Variants in ADCY9 observed in about 807,000 individuals in gnomAD.
ADCY9 encodes adenylate cyclase type 9.
Under a neutral mutation model 101.5 loss-of-function variants are expected in ADCY9, and 50 were observed. The observed-to-expected ratio is 0.49, with a 90% confidence interval of 0.39 to 0.62. ADCY9 has a LOEUF of 0.62. Ranked by LOEUF, ADCY9 falls within the 20% of genes least tolerant of loss-of-function variation. The pLI is 0.00. For missense variants in ADCY9, 1,662 were observed against 1,800.4 expected, an observed-to-expected ratio of 0.92 and a Z score of 1.39; for synonymous variants, 905 against 769.3, an observed-to-expected ratio of 1.18 and a Z score of -2.92.
At position 3,993,447 on chromosome 16, in the gene ADCY9, G is replaced by A. The variant is rs769302200; in HGVS notation, c.1948C>T (p.Pro650Ser). 8 of 1,614,084 alleles carry A rather than the reference G, an allele frequency of 5.0e-6. No homozygotes were observed. The Admixed American group carries it at 5.0e-5, about 10-fold the overall frequency. Residue 650 changes from proline (P) to serine (S), a missense_variant, in exon 4 of 11, where the codon CCT (proline) becomes TCT (serine). By Grantham distance (74) the Pro-to-Ser change is moderately conservative. This residue lies in a region of ADCY9 where 624 missense variants were observed against 639.1 expected (regional missense o/e 0.98). Transcript: ENST00000294016. ...KSEAGAEGGA[P>S]QNGCQDEHKN... is the part of the protein sequence containing the mutation. ...TGCTCGTCTTGGCAGCCGTTTTGAG[G>A]TGCTCCTCCCTCGGCGCCGGCTTCA...
chr16:3,979,776 A>G (rs1018500320), intron 7 of ADCY9, among the ~76,000 whole-genome samples: 1 of 152,220 alleles, frequency 6.6e-6, no homozygotes, highest in African/African-American at 2.4e-5. Context: ...GGCAGGTGCC[A>G]CCCAGGGAGG....
intron 2 of ADCY9, among the ~76,000 whole-genome samples, chr16:4,080,276 C>T (rs1000629148): frequency 2.0e-5 from 3 of 152,032 alleles, no homozygotes; most frequent in African/African-American, 7.3e-5. Flanking sequence ...GACAGTCTTG[C>T]TCTGTTGCCC....
chr16:4,100,829 A>G (rs1397136751), intron 2 of ADCY9, among the ~76,000 whole-genome samples: 4 of 152,132 alleles, frequency 2.6e-5, no homozygotes, highest in Non-Finnish European at 5.9e-5. Context: ...AAAAGCATCT[A>G]AACACACACG....
At chr16:3,979,884 C>T (rs2056126087) in intron 7 of ADCY9, among the ~76,000 whole-genome samples, 1 of 152,254 alleles carries the variant, frequency 6.6e-6, no homozygotes, top group African/African-American at 2.4e-5. Flanking sequence ...GTCCCAGCTA[C>T]AAACAGGGTG....
At chr16:4,040,454 CTTAAT>C (rs1397727359) in intron 2 of ADCY9, among the ~76,000 whole-genome samples, 1 of 139,986 alleles carries the variant, frequency 7.1e-6, no homozygotes, top group Non-Finnish European at 1.5e-5. Context: ...ATGACATCTT[CTTAAT>C]TTTTTTTTTT....
At chr16:3,979,018 G>T (rs191625111) in intron 8 of ADCY9, 98 bp downstream of exon 8, 1 of 1,514,314 alleles carries the variant, frequency 6.6e-7, no homozygotes, top group African/African-American at 1.4e-5. Context: ...CCTGGCCAAA[G>T]GGTTTATTTT....
At chr16:4,047,994 T>G (rs2056677294) in intron 2 of ADCY9, among the ~76,000 whole-genome samples, 1 of 152,130 alleles carries the variant, frequency 6.6e-6, no homozygotes, top group South Asian at 2.1e-4. Flanking sequence ...CGTGACCCAC[T>G]TGGGGCTTCT....
intron 2 of ADCY9, among the ~76,000 whole-genome samples, chr16:4,052,095 C>T (rs1022548401): frequency 3.9e-5 from 6 of 152,164 alleles, no homozygotes; most frequent in African/African-American, 1.4e-4. Context: ...GACTCTCCTG[C>T]CAGGAACCTA....
chr16:4,114,156 C>A lies in ADCY9; in HGVS notation c.1287G>T (p.Leu429=). 6.2e-7 allele frequency: 1 copy of A among 1,613,926 alleles called. No individual in the cohort carries two copies. Among genetic ancestry groups the A allele is most frequent in the South Asian group, 1.1e-5 (1 of 91,088 alleles). The change falls in exon 2 of 11, where the codon CTG becomes CTT. Residue 429 remains leucine (L), a synonymous_variant. Transcript: ENST00000294016. The surrounding 1 kb of genome is among the most constrained non-coding windows in gnomAD (Gnocchi z 4.3). ...TTTTCTCACACTTGGTCTCCTCACACAGGCGGTCGAAGCGACCGAACAGAT... is the reference window on the plus strand; with the variant it reads ...TTTTCTCACACTTGGTCTCCTCACAAAGGCGGTCGAAGCGACCGAACAGAT... ...LNDLFGRFDR[L]CEETKCEKIS...
chr16:4,023,471 C>T (rs2056492210), intron 2 of ADCY9, among the ~76,000 whole-genome samples: 1 of 151,890 alleles, frequency 6.6e-6, no homozygotes, highest in Non-Finnish European at 1.5e-5. Flanking sequence ...GGGGAAGGCA[C>T]GAGGGATGCA....
intron 3 of ADCY9, among the ~76,000 whole-genome samples, chr16:3,998,291 G>A (rs2056303316): frequency 6.6e-6 from 1 of 151,938 alleles, no homozygotes; most frequent in Non-Finnish European, 1.5e-5. Context: ...TGTGCTTGTA[G>A]TCCCAGCTAC....
chr16:4,000,968 T>TCC (rs1555508135), intron 3 of ADCY9, among the ~76,000 whole-genome samples: 1 of 125,258 alleles, frequency 8.0e-6, no homozygotes. Context: ...TCCCTCTCTC[T>TCC]ACACACACAC....
At chr16:4,079,491 C>T (rs889381497) in intron 2 of ADCY9, among the ~76,000 whole-genome samples, 1 of 152,130 alleles carries the variant, frequency 6.6e-6, no homozygotes, top group Admixed American at 6.5e-5. Flanking sequence ...ATCTCTTGAA[C>T]CCGGGAGGCA....
rs1284181658 is a variant in ADCY9 at position 3,963,141 on chromosome 16, T to TAC, written c.*2633_*2634insGT. ...ATATATATATATATATATATATATA[T>TAC]ATGGATATATAATTCGATCTGAGCT... On this transcript the variant is annotated 3_prime_UTR_variant, in exon 11 of 11. Transcript: ENST00000294016. 6 of 155,368 alleles carry TAC rather than the reference T, an allele frequency of 3.9e-5. No homozygotes were observed. Among genetic ancestry groups the TAC allele is most frequent in the African/African-American group, 1.1e-4 (4 of 35,042 alleles). The allele number at this position is 155,368 out of a possible 1,614,324, so 9.6% of individuals were successfully genotyped here. A position where few individuals can be genotyped will look rare whatever the true frequency, so the allele number is the denominator to read the frequency against.
At chr16:4,045,219 C>A (rs1422178575) in intron 2 of ADCY9, among the ~76,000 whole-genome samples, 1 of 151,852 alleles carries the variant, frequency 6.6e-6, no homozygotes, top group Non-Finnish European at 1.5e-5. Flanking sequence ...AAGCTGAGGA[C>A]AAAGAGATGA....
intron 2 of ADCY9, among the ~76,000 whole-genome samples, chr16:4,106,165 AC>A (rs1417949084): frequency 1.9e-4 from 29 of 152,282 alleles, no homozygotes; most frequent in Non-Finnish European, 3.2e-4. Context: ...GAGACAAAAA[AC>A]CTGATTTCCA....
At chr16:4,018,855 T>A (rs2056455829) in intron 2 of ADCY9, among the ~76,000 whole-genome samples, 1 of 152,138 alleles carries the variant, frequency 6.6e-6, no homozygotes, top group Non-Finnish European at 1.5e-5. Flanking sequence ...ATATCTCTGC[T>A]ATCTCTAATT....
At chr16:3,989,886 G>C (rs1158704687) in intron 5 of ADCY9, among the ~76,000 whole-genome samples, 2 of 152,146 alleles carry the variant, frequency 1.3e-5, no homozygotes, top group African/African-American at 4.8e-5. Flanking sequence ...AAGCTAACAG[G>C]TTGTTATCAC....
At chr16:4,035,921 C>T (rs1291733934) in intron 2 of ADCY9, among the ~76,000 whole-genome samples, 1 of 146,762 alleles carries the variant, frequency 6.8e-6, no homozygotes, top group Admixed American at 7.1e-5. Context: ...ATCACTTGAA[C>T]CCGGAAGGCG....
Sources: gnomAD v4.1 joint callset for allele counts (sites outside exome capture counted in the v4.1 genomes callset) on GRCh38, gnomAD v4.1.1 for gene constraint, gnomAD v4.1.1 regional missense constraint, Gnocchi (gnomAD v3.1) non-coding constraint, MANE v1.5 for transcripts, NCBI Gene and HGNC (gene_info 2026-07-23, HGNC 2026-07-21) for gene names.